TEKT5: variants seen among roughly 807,000 people sequenced by gnomAD.
The protein encoded by TEKT5 is tektin 5.
TEKT5 carries 52 observed loss-of-function variants against 48.7 expected under a neutral mutation model. That is an observed-to-expected ratio of 1.07 (90% CI 0.86 to 1.35). The LOEUF is 1.35. Among genes scored for constraint, TEKT5 ranks in the 40% most tolerant of loss-of-function variants. The pLI is 0.00. For synonymous variants in TEKT5, 318 were observed against 267.6 expected, an observed-to-expected ratio of 1.19 and a Z score of -1.84; for missense variants, 831 against 641.6, an observed-to-expected ratio of 1.30 and a Z score of -3.19.
chr16:10,645,079 T>A (rs142458097), intron 5 of TEKT5, among the ~76,000 whole-genome samples: 1 of 152,316 alleles, frequency 6.6e-6, no homozygotes, highest in East Asian at 1.9e-4. Context: ...GACCTTGGAC[T>A]TTTAGCCTCC....
At chr16:10,679,300 T>C (rs1245105550) in intron 4 of TEKT5, among the ~76,000 whole-genome samples, 1 of 151,920 alleles carries the variant, frequency 6.6e-6, no homozygotes, top group Admixed American at 6.6e-5. Context: ...CTACTAAAAA[T>C]ACAAAAATTA....
At chr16:10,671,194 C>G (rs1819150142) in intron 5 of TEKT5, among the ~76,000 whole-genome samples, 1 of 152,112 alleles carries the variant, frequency 6.6e-6, no homozygotes, top group Non-Finnish European at 1.5e-5. Flanking sequence ...GTAATGTTAC[C>G]ATGTAGAAAT....
intron 5 of TEKT5, among the ~76,000 whole-genome samples, chr16:10,652,817 T>A (rs1898189124): frequency 1.4e-5 from 1 of 71,316 alleles, no homozygotes; most frequent in Admixed American, 1.9e-4. Context: ...GGTAGAACGA[T>A]CCCTTATATA....
chr16:10,635,443 T>C (rs985188185), intron 6 of TEKT5, among the ~76,000 whole-genome samples: 1 of 152,100 alleles, frequency 6.6e-6, no homozygotes, highest in Non-Finnish European at 1.5e-5. Flanking sequence ...CGACCATTCA[T>C]TGCCTTGGCT....
At chr16:10,631,989 G>A (rs1407802393) in intron 6 of TEKT5, among the ~76,000 whole-genome samples, 1 of 152,038 alleles carries the variant, frequency 6.6e-6, no homozygotes, top group Non-Finnish European at 1.5e-5. Flanking sequence ...CTTGGTTGTG[G>A]GACTGTGCTG....
At chr16:10,684,396 T>TC (rs1898817934) in intron 3 of TEKT5, among the ~76,000 whole-genome samples, 1 of 139,266 alleles carries the variant, frequency 7.2e-6, no homozygotes, top group Admixed American at 7.2e-5. Context: ...CCCCTCCATC[T>TC]TTTTTTTTTT....
At chr16:10,637,407 G>A (rs1897931030) in intron 5 of TEKT5, among the ~76,000 whole-genome samples, 1 of 151,694 alleles carries the variant, frequency 6.6e-6, no homozygotes. Context: ...AAGGAAGAAG[G>A]GAAGGATATA....
chr16:10,648,398 A>AT (rs1403186414), intron 5 of TEKT5, among the ~76,000 whole-genome samples: 2 of 151,702 alleles, frequency 1.3e-5, no homozygotes, highest in African/African-American at 4.9e-5. Flanking sequence ...GCTCACTGCA[A>AT]CCTCCGCCTC....
rs147719715 is a variant in TEKT5, at chr16:10,676,185, C to T, written c.864-4G>A. 5.9e-5 allele frequency: 96 copies of T among 1,614,120 alleles called. No homozygotes were observed. The African/African-American group carries it at 1.1e-3, about 18-fold the overall frequency. On this transcript the variant is annotated splice_region_variant and splice_polypyrimidine_tract_variant and intron_variant, in intron 4 of 6. Coordinates refer to ENST00000283025, the MANE Select transcript of TEKT5 (RefSeq NM_144674.2). The stretch of plus-strand genomic sequence containing the variant: ...CCAGGTCTCAGGTACGGAGATCCTG[C>T]AAAGGCACAAGGGTGAGTTGCAGCA...
rs2142315191 is a variant in TEKT5, at chr16:10,689,331, G to A, written c.649-8C>T. ...TTTTAGCAAATCCACTTCCTGAAAT[G>A]AAAAATGTCAGAAAGAGCAGTGCCT... On this transcript the variant is annotated splice_polypyrimidine_tract_variant and splice_region_variant and intron_variant, in intron 2 of 6. Transcript: ENST00000283025. The A allele has an allele frequency of 6.2e-7, 1 of 1,611,474 alleles. No individual in the cohort carries two copies. The highest frequency in any genetic ancestry group is 2.2e-5 in the East Asian group (1 of 44,854).
chr16:10,633,216 C>A (rs1042808253), intron 6 of TEKT5, among the ~76,000 whole-genome samples: 9 of 152,256 alleles, frequency 5.9e-5, no homozygotes, highest in African/African-American at 2.2e-4. Context: ...CAAAAATTAG[C>A]CGAGCATGGT....
intron 4 of TEKT5, among the ~76,000 whole-genome samples, chr16:10,681,044 A>G (rs1898738635): frequency 9.3e-6 from 1 of 107,802 alleles, no homozygotes; most frequent in African/African-American, 3.8e-5. Flanking sequence ...AAAAATACCA[A>G]AAAAAAAAAA....
intron 5 of TEKT5, among the ~76,000 whole-genome samples, chr16:10,663,135 T>A (rs1196558250): frequency 6.6e-6 from 1 of 152,094 alleles, no homozygotes; most frequent in African/African-American, 2.4e-5. Context: ...TGAAAGGCAA[T>A]TATCAGGTCT....
intron 4 of TEKT5, among the ~76,000 whole-genome samples, chr16:10,681,551 C>T (rs752879757): frequency 3.1e-4 from 47 of 152,108 alleles, no homozygotes; most frequent in Admixed American, 2.6e-3. Context: ...CGCCACCAGC[C>T]GACCCCAGTT....
intron 5 of TEKT5, among the ~76,000 whole-genome samples, chr16:10,655,256 A>G (rs1567229050): frequency 6.6e-6 from 1 of 152,084 alleles, no homozygotes; most frequent in Non-Finnish European, 1.5e-5. Flanking sequence ...AACCATATTT[A>G]CACGTTCTTA....
intron 4 of TEKT5, among the ~76,000 whole-genome samples, chr16:10,677,757 G>A (rs1042755510): frequency 3.9e-5 from 6 of 152,190 alleles, no homozygotes; most frequent in African/African-American, 1.4e-4. Context: ...GGTAGCAGGA[G>A]AAGAAATCGC....
At chr16:10,637,512 T>C (rs961375873) in intron 5 of TEKT5, among the ~76,000 whole-genome samples, 1 of 152,032 alleles carries the variant, frequency 6.6e-6, no homozygotes, top group Non-Finnish European at 1.5e-5. Context: ...GACAAAACTT[T>C]TTATCTGTCA....
At chr16:10,671,866 A>C (rs1898554213) in intron 5 of TEKT5, 1 of 152,204 alleles carries the variant, frequency 6.6e-6, no homozygotes, top group South Asian at 2.1e-4. Context: ...TCACGAGAAA[A>C]GCACGGGAAA....
At chr16:10,634,191 T>C (rs1486134563) in intron 6 of TEKT5, among the ~76,000 whole-genome samples, 1 of 152,052 alleles carries the variant, frequency 6.6e-6, no homozygotes, top group Non-Finnish European at 1.5e-5. Context: ...TTGACAACAG[T>C]AGGAGTAACT....
Sources: gnomAD v4.1 joint callset for allele counts (sites outside exome capture counted in the v4.1 genomes callset) on GRCh38, gnomAD v4.1.1 for gene constraint, MANE v1.5 for transcripts, NCBI Gene and HGNC (gene_info 2026-07-23, HGNC 2026-07-21) for gene names.